Variants in PACRG observed in about 807,000 individuals in gnomAD.
PACRG encodes parkin coregulated gene protein.
A neutral mutation model predicts 29.7 loss-of-function variants in PACRG; 29 were observed. That is an observed-to-expected ratio of 0.98 (90% CI 0.73 to 1.33). The LOEUF (loss-of-function observed/expected upper bound fraction) is 1.33, where lower values mean the gene tolerates loss of function less well. Ranked by LOEUF, PACRG falls within the 40% of genes most tolerant of loss-of-function variation. PACRG has a pLI of 0.00. For missense variants in PACRG, 279 were observed against 316.2 expected (o/e 0.88, Z 0.89); for synonymous variants, 116 against 118.7 (o/e 0.98, Z 0.15).
At chr6:163,165,371 G>T (rs1358110118) in intron 4 of PACRG, 1 of 152,314 alleles carries the variant, frequency 6.6e-6, no homozygotes, top group East Asian at 1.9e-4. Context: ...GAACGGAAAG[G>T]GCCCTGGGGG....
In PACRG at chr6:162,781,629, G is replaced by GA. The variant is rs558881540; in HGVS notation, c.157-32509dup. ...ACTACACTAGCATAAAGGCCTGAAG[G>GA]AAAAAAAAAGTATATTGTTGTAAGG... On this transcript the variant is annotated intron_variant, in intron 1 of 4. Transcript: ENST00000366888. Among the ~76,000 whole-genome samples, 16 of 149,588 alleles carry GA rather than the reference G, an allele frequency of 1.1e-4. No homozygotes were observed. The East Asian group carries it at 2.9e-3, about 27-fold the overall frequency.
chr6:162,916,414 T>C (rs905936476), intron 2 of PACRG, among the ~76,000 whole-genome samples: 5 of 152,222 alleles, frequency 3.3e-5, no homozygotes, highest in African/African-American at 1.2e-4. Flanking sequence ...CTAGAATCTA[T>C]GACTTCTACT....
At chr6:162,892,571 G>C (rs1459439600) in intron 2 of PACRG, among the ~76,000 whole-genome samples, 1 of 152,086 alleles carries the variant, frequency 6.6e-6, no homozygotes, top group African/African-American at 2.4e-5. Context: ...AGCCCAGCGC[G>C]TTCTAGTCTA....
At chr6:162,869,050 CT>C (rs1288043793) in intron 2 of PACRG, among the ~76,000 whole-genome samples, 2 of 152,154 alleles carry the variant, frequency 1.3e-5, no homozygotes, top group African/African-American at 2.4e-5. Flanking sequence ...TTCTGTGCTG[CT>C]GGTGACGATG....
At chr6:163,169,290 A>C (rs2985664) in intron 4 of PACRG, among the ~76,000 whole-genome samples, 2 of 152,198 alleles carry the variant, frequency 1.3e-5, no homozygotes, top group Non-Finnish European at 2.9e-5. Context: ...CAGGGATCTC[A>C]TCTGAGAAGG....
At chr6:162,727,384 G>A (rs1013608415), upstream of PACRG, 2 of 469,856 alleles carry the variant, frequency 4.3e-6, no homozygotes, top group African/African-American at 2.1e-5. Context: ...AACGAGGAGC[G>A]GGGGTGCGGG....
chr6:162,973,043 C>A (rs912789634), intron 2 of PACRG, among the ~76,000 whole-genome samples: 2 of 152,154 alleles, frequency 1.3e-5, no homozygotes, highest in African/African-American at 4.8e-5. Context: ...GAGAAACTTA[C>A]TTTTAAAACT....
At chr6:163,183,158 G>T (rs1445959351) in intron 4 of PACRG, 1 of 152,234 alleles carries the variant, frequency 6.6e-6, no homozygotes, top group Non-Finnish European at 1.5e-5. Flanking sequence ...CCCACGACGT[G>T]TTCGGGGAAC....
At chr6:163,035,494 A>G (rs931482933) in intron 2 of PACRG, among the ~76,000 whole-genome samples, 1 of 152,178 alleles carries the variant, frequency 6.6e-6, no homozygotes, top group East Asian at 1.9e-4. Flanking sequence ...TAAAAATACA[A>G]AAATTAGCCA....
intron 1 of PACRG, among the ~76,000 whole-genome samples, chr6:162,776,877 G>T (rs1447799461): frequency 6.6e-6 from 1 of 152,094 alleles, no homozygotes; most frequent in Non-Finnish European, 1.5e-5. Flanking sequence ...CTCTCTCTGG[G>T]TTTTTAATAA....
intron 4 of PACRG, among the ~76,000 whole-genome samples, chr6:163,117,364 G>A (rs1456981726): frequency 6.6e-6 from 1 of 152,220 alleles, no homozygotes; most frequent in Non-Finnish European, 1.5e-5. Context: ...CAGCCACTGG[G>A]GAGGTTTCCT....
intron 4 of PACRG, among the ~76,000 whole-genome samples, chr6:163,236,595 G>A (rs954980986): frequency 6.6e-6 from 1 of 152,130 alleles, no homozygotes; most frequent in Admixed American, 6.5e-5. Context: ...CTACCCTCGG[G>A]TGAATAAAGA....
At chr6:163,266,358 G>A (rs1585383397) in intron 4 of PACRG, among the ~76,000 whole-genome samples, 1 of 152,122 alleles carries the variant, frequency 6.6e-6, no homozygotes, top group Admixed American at 6.5e-5. Flanking sequence ...GAAATAGAGG[G>A]GAGCGGTAAT....
chr6:162,818,872 GT>G (rs1445315843), intron 2 of PACRG, among the ~76,000 whole-genome samples: 3 of 152,142 alleles, frequency 2.0e-5, no homozygotes, highest in Non-Finnish European at 4.4e-5. Context: ...AGATAAACCT[GT>G]AATCCTCTAG....
chr6:163,035,528 T>C (rs1808088902), intron 2 of PACRG, among the ~76,000 whole-genome samples: 1 of 152,054 alleles, frequency 6.6e-6, no homozygotes, highest in African/African-American at 2.4e-5. Context: ...GTGCCTGTAA[T>C]CCAGCTACTT....
intron 2 of PACRG, among the ~76,000 whole-genome samples, 167 bp from the exon 3 acceptor site, chr6:163,061,983 C>T (rs755228895): frequency 1.6e-4 from 24 of 152,066 alleles, no homozygotes; most frequent in Non-Finnish European, 3.5e-4. Flanking sequence ...CTCATTGATT[C>T]AGGACATGAT....
chr6:163,202,277 A>T (rs1159277377), intron 4 of PACRG, among the ~76,000 whole-genome samples: 1 of 152,182 alleles, frequency 6.6e-6, no homozygotes, highest in East Asian at 1.9e-4. Context: ...AGTCTCTAGC[A>T]GTGACTATCT....
intron 2 of PACRG, among the ~76,000 whole-genome samples, chr6:162,900,905 G>C (rs1013816461): frequency 2.0e-5 from 3 of 152,110 alleles, no homozygotes; most frequent in African/African-American, 4.8e-5. Context: ...TGAGCTGAAA[G>C]TATCTTTTTG....
chr6:162,947,305 AT>A, intron 2 of PACRG, among the ~76,000 whole-genome samples: 1 of 108,796 alleles, frequency 9.2e-6, no homozygotes, highest in African/African-American at 3.0e-5. Context: ...ATCATATAAT[AT>A]ATATAATCAT....
Sources: allele counts gnomAD v4.1 joint callset (sites outside exome capture counted in the v4.1 genomes callset), GRCh38; gene constraint gnomAD v4.1.1; transcripts MANE v1.5; gene names NCBI Gene and HGNC (gene_info 2026-07-23, HGNC 2026-07-21).